THRB: variants seen among roughly 807,000 people sequenced by gnomAD.
The protein encoded by THRB is nuclear receptor subfamily 1 group A member 2.
A neutral mutation model predicts 47.8 loss-of-function variants in THRB; 12 were observed. The observed-to-expected ratio is 0.25, with a 90% CI of 0.16 to 0.41. The LOEUF (loss-of-function observed/expected upper bound fraction) is 0.41, where lower values mean the gene tolerates loss of function less well. Ranked by LOEUF, THRB falls within the 10% of genes least tolerant of loss-of-function variation. THRB has a pLI of 1.00. For missense variants in THRB, 348 were observed against 589.2 expected, an observed-to-expected ratio of 0.59 and a Z score of 4.24; for synonymous variants, 218 against 212.2, an observed-to-expected ratio of 1.03 and a Z score of -0.24.
At chr3:24,257,508 T>A (rs1667745) in intron 3 of THRB, among the ~76,000 whole-genome samples, 2 of 152,016 alleles carry the variant, frequency 1.3e-5, no homozygotes, top group Non-Finnish European at 2.9e-5. Flanking sequence ...CTATTCTCTA[T>A]AGACCTATAA....
rs554135980 is a variant in THRB at position 24,449,451 on chromosome 3, C to T, written c.-261+45201G>A. Among the ~76,000 whole-genome samples the T allele has an allele frequency of 2.3e-4, 35 of 152,182 alleles. No individual in the cohort carries two copies. The Middle Eastern group carries it at 0.01, about 44-fold the overall frequency. On this transcript the variant is annotated intron_variant, in intron 1 of 10. Transcript: ENST00000646209. ...ACCAAGTAACCCAGCTGGAGAATAC[C>T]GCTGCAGGAAAGACAGCAGTACTAT...
At chr3:24,311,037 G>A (rs2057722093) in intron 2 of THRB, among the ~76,000 whole-genome samples, 1 of 152,016 alleles carries the variant, frequency 6.6e-6, no homozygotes, top group African/African-American at 2.4e-5. Flanking sequence ...ATCTTTCTCT[G>A]TGTCTGTCTC....
At chr3:24,489,256 A>C (rs78824363) in intron 1 of THRB, among the ~76,000 whole-genome samples, 1 of 149,532 alleles carries the variant, frequency 6.7e-6, no homozygotes, top group Non-Finnish European at 1.5e-5. Context: ...AAAAATAAGA[A>C]AAAAAAAAGA....
At chr3:24,316,300 C>T (rs1448082823) in intron 2 of THRB, among the ~76,000 whole-genome samples, 1 of 152,166 alleles carries the variant, frequency 6.6e-6, no homozygotes, top group African/African-American at 2.4e-5. Context: ...ACTATCATGC[C>T]AGTAACATTT....
chr3:24,132,818 C>T (rs1199458981), intron 9 of THRB, among the ~76,000 whole-genome samples: 3 of 152,234 alleles, frequency 2.0e-5, no homozygotes, highest in Non-Finnish European at 4.4e-5. Context: ...TAAGAAACGA[C>T]CACACAGTCA....
intron 3 of THRB, among the ~76,000 whole-genome samples, chr3:24,244,924 A>G (rs567609614): frequency 4.6e-5 from 7 of 152,298 alleles, no homozygotes; most frequent in African/African-American, 1.7e-4. Flanking sequence ...TAAGCTGTGA[A>G]GGGGGAAACT....
rs2148779000 is a variant in THRB at position 24,122,729 on chromosome 3, G to A, written c.*155C>T. ...ATAGTTTCAAGTACCCGCATTCAAGGGGCAATTTCATCCATGTCTATGCCA... is the reference window on the plus strand; with the variant it reads ...ATAGTTTCAAGTACCCGCATTCAAGAGGCAATTTCATCCATGTCTATGCCA... On this transcript the variant is annotated 3_prime_UTR_variant, in exon 11 of 11. Coordinates refer to ENST00000646209, the MANE Select transcript of THRB (RefSeq NM_001354712.2). 2 of 1,008,636 alleles carry A rather than the reference G, an allele frequency of 2.0e-6. No individual in the cohort carries two copies. Among genetic ancestry groups the A allele is most frequent in the Middle Eastern group, 2.7e-4 (1 of 3,700 alleles). The allele number at this position is 1,008,636 out of a possible 1,614,324, so 62.5% of individuals were successfully genotyped here.
At chr3:24,322,891 T>C (rs1017448874) in intron 2 of THRB, among the ~76,000 whole-genome samples, 8 of 152,226 alleles carry the variant, frequency 5.3e-5, no homozygotes, top group Non-Finnish European at 2.9e-5. Flanking sequence ...CCTAATATCC[T>C]GCCACCTTTT....
At chr3:24,252,181 G>A (rs1238641144) in intron 3 of THRB, among the ~76,000 whole-genome samples, 6 of 152,018 alleles carry the variant, frequency 3.9e-5, no homozygotes, top group African/African-American at 1.2e-4. Flanking sequence ...TTAAATATAC[G>A]AAACACTTTG....
intron 2 of THRB, among the ~76,000 whole-genome samples, chr3:24,308,530 A>G (rs1177082711): frequency 6.6e-6 from 1 of 152,236 alleles, no homozygotes; most frequent in East Asian, 1.9e-4. Flanking sequence ...AATCTTTGTT[A>G]TAAAAACAAA....
intron 5 of THRB, among the ~76,000 whole-genome samples, chr3:24,174,198 A>G (rs564222923): frequency 6.6e-6 from 1 of 152,026 alleles, no homozygotes; most frequent in East Asian, 1.9e-4. Flanking sequence ...TTAATAGATG[A>G]AAAAAAATCT....
At chr3:24,185,649 G>A (rs770585680) in intron 5 of THRB, among the ~76,000 whole-genome samples, 1 of 152,136 alleles carries the variant, frequency 6.6e-6, no homozygotes, top group Non-Finnish European at 1.5e-5. Context: ...GTGAGTCCCT[G>A]CCTTGTTTCT....
intron 5 of THRB, among the ~76,000 whole-genome samples, chr3:24,184,757 G>A (rs1390371690): frequency 6.6e-6 from 1 of 152,214 alleles, no homozygotes; most frequent in African/African-American, 2.4e-5. Flanking sequence ...AGTTGGGACT[G>A]CAGATCCTGA....
At chr3:24,255,615 C>G (rs1249426571) in intron 3 of THRB, among the ~76,000 whole-genome samples, 5 of 151,942 alleles carry the variant, frequency 3.3e-5, no homozygotes, top group Non-Finnish European at 5.9e-5. Context: ...TAGGAGTTGC[C>G]CAGGTGGAAG....
intron 1 of THRB, among the ~76,000 whole-genome samples, chr3:24,478,018 G>C (rs1695752386): frequency 6.6e-6 from 1 of 151,630 alleles, no homozygotes; most frequent in African/African-American, 2.4e-5. Context: ...AACTTAAACT[G>C]TGAAATTCAC....
intron 4 of THRB, among the ~76,000 whole-genome samples, chr3:24,217,996 G>A (rs922167970): frequency 1.3e-5 from 2 of 152,210 alleles, no homozygotes; most frequent in African/African-American, 4.8e-5. Context: ...GCCGGGTGCT[G>A]TGGCTCACGC....
At chr3:24,316,697 A>G (rs1057241619) in intron 2 of THRB, among the ~76,000 whole-genome samples, 1 of 152,086 alleles carries the variant, frequency 6.6e-6, no homozygotes, top group Non-Finnish European at 1.5e-5. Context: ...CCCACCAGGT[A>G]CAAGCTAAAG....
Position 24,175,715 on chromosome 3 carries a change from T to TA in THRB, c.283+14358dup, listed in dbSNP as rs200305749. Among the ~76,000 whole-genome samples, 374 of 152,258 alleles carry TA rather than the reference T, an allele frequency of 2.5e-3. 2 individuals carry two copies. Among genetic ancestry groups the TA allele is most frequent in the Middle Eastern group, 0.014 (4 of 294 alleles). ...CTGATGTGGCTTGAATATCATGGCATAAAAAAATGCAAAAATATTTCAGTT... is the reference window on the plus strand; with the variant it reads ...CTGATGTGGCTTGAATATCATGGCATAAAAAAAATGCAAAAATATTTCAGTT... On this transcript the variant is annotated intron_variant, in intron 5 of 10. Transcript: ENST00000646209.
At chr3:24,437,035 C>G (rs186472072) in intron 1 of THRB, among the ~76,000 whole-genome samples, 2 of 151,198 alleles carry the variant, frequency 1.3e-5, no homozygotes, top group Admixed American at 6.6e-5. Context: ...GGACCTGGCA[C>G]TTTTCTCCAT....
Sources: allele counts gnomAD v4.1 joint callset (sites outside exome capture counted in the v4.1 genomes callset), GRCh38; gene constraint gnomAD v4.1.1; transcripts MANE v1.5; gene names NCBI Gene and HGNC (gene_info 2026-07-23, HGNC 2026-07-21).